Variants in L3MBTL1 observed in about 807,000 individuals in gnomAD.
L3MBTL1 encodes the protein L3MBTL histone methyl-lysine binding protein 1.
A neutral mutation model predicts 105.3 loss-of-function variants in L3MBTL1; 75 were observed. The observed-to-expected ratio is 0.71, with a 90% confidence interval of 0.59 to 0.86. L3MBTL1 has a LOEUF of 0.86. Among genes scored for constraint, L3MBTL1 ranks in the 40% least tolerant of loss-of-function variants. L3MBTL1 has a pLI of 0.00. For missense variants in L3MBTL1, 1,069 were observed against 1,126.4 expected (o/e 0.95, Z 0.73); for synonymous variants, 452 against 436.2 (o/e 1.04, Z -0.45).
chr20:43,514,795 A>G lies in L3MBTL1; in HGVS notation c.502+19A>G. 2 of 1,536,148 alleles carry G rather than the reference A, an allele frequency of 1.3e-6. No individual in the cohort carries two copies. The highest frequency in any genetic ancestry group is 1.8e-6 in the Non-Finnish European group (2 of 1,138,976). On this transcript the variant is annotated intron_variant, in intron 4 of 21. Coordinates refer to ENST00000418998, the MANE Select transcript of L3MBTL1 (RefSeq NM_001377303.1). ...CAGGCGGGTAGGAGCCCCGCTCCCCAGGCCCTGAGCTGGGCCCTGTGCGGG... is the reference window on the plus strand; with the variant it reads ...CAGGCGGGTAGGAGCCCCGCTCCCCGGGCCCTGAGCTGGGCCCTGTGCGGG...
rs143399408 is a variant in L3MBTL1 at position 43,540,318 on chromosome 20, G to A, written c.2331+10G>A. The A allele has an allele frequency of 4.0e-4, 644 of 1,611,930 alleles. 3 individuals are homozygous for A. Among genetic ancestry groups the A allele is most frequent in the African/African-American group, 3.1e-3 (230 of 74,982 alleles). On this transcript the variant is annotated intron_variant, in intron 20 of 21. Transcript: ENST00000418998. ...GTGGACCATCGATGAGGTGAGGAGC[G>A]AGGGCCCTTCTTTATCCTTCTCTTC... is the stretch of plus-strand genomic sequence containing the variant.
rs369771334 is a variant in L3MBTL1, at chr20:43,514,695, G to A, written c.421G>A (p.Glu141Lys). 28 of 1,586,108 alleles carry A rather than the reference G, an allele frequency of 1.8e-5. No individual in the cohort carries two copies. Among genetic ancestry groups the A allele is most frequent in the Middle Eastern group, 1.7e-4 (1 of 6,040 alleles). The change falls in exon 4 of 22, where the codon GAG (glutamate) becomes AAG (lysine). Residue 141 changes from glutamate (E) to lysine (K), a missense_variant. By Grantham distance (56) the Glu-to-Lys change is moderately conservative. Coordinates refer to ENST00000418998, the MANE Select transcript of L3MBTL1 (RefSeq NM_001377303.1). ...MAGVEQPPSP[E>K]LRQEGVTEYE... Reference sequence around the variant, plus strand: ...GGGAGTGGAGCAGCCCCCGAGCCCCGAGCTGCGGCAGGAAGGCGTGACCGA... The same window carrying A: ...GGGAGTGGAGCAGCCCCCGAGCCCCAAGCTGCGGCAGGAAGGCGTGACCGA...
chr20:43,528,556 A>T, intron 7 of L3MBTL1, 101 bp from the exon 8 acceptor site: 2 of 830,184 alleles, frequency 2.4e-6, no homozygotes, highest in South Asian at 2.9e-5. Flanking sequence ...ACAGACAAAG[A>T]TTTGTTTTGG....
At chr20:43,530,608 G>T in intron 10 of L3MBTL1, 189 bp downstream of exon 10, 1 of 775,120 alleles carries the variant, frequency 1.3e-6, no homozygotes. Flanking sequence ...TAGAACTTCC[G>T]CTTTGCACTT....
chr20:43,515,237 G>C, intron 5 of L3MBTL1, 55 bp from the exon 6 acceptor site: 3 of 1,612,790 alleles, frequency 1.9e-6, no homozygotes, highest in Non-Finnish European at 2.5e-6. Context: ...GGTTAGGAGA[G>C]GGGCTGGGTG....
intron 15 of L3MBTL1, 160 bp downstream of exon 15, chr20:43,534,554 CA>C (rs760128761): frequency 3.8e-5 from 25 of 651,080 alleles, no homozygotes; most frequent in Non-Finnish European, 5.9e-5. Flanking sequence ...TGGGCTTGGA[CA>C]AGTCATTTTC....
Position 43,530,728 on chromosome 20 carries a change from C to T in L3MBTL1, c.1193-70C>T, listed in dbSNP as rs994535223. On this transcript the variant is annotated intron_variant, in intron 10 of 21. Coordinates refer to ENST00000418998, the MANE Select transcript of L3MBTL1 (RefSeq NM_001377303.1). Reference sequence around the variant, plus strand: ...TCAGGCATGCCTGATTCTGCTGCTTCACTGTGGGGTGCCCTTGCTGTGGCC... The same window carrying T: ...TCAGGCATGCCTGATTCTGCTGCTTTACTGTGGGGTGCCCTTGCTGTGGCC... 9.2e-6 allele frequency: 13 copies of T among 1,408,640 alleles called. No homozygotes were observed. In the African/African-American group the frequency reaches 1.3e-4, roughly 14 times the overall value. The allele number at this position is 1,408,640 out of a possible 1,614,324, so 87.3% of individuals were successfully genotyped here. A position where few individuals can be genotyped will look rare whatever the true frequency, so the allele number is the denominator to read the frequency against.
Position 43,530,783 on chromosome 20 carries a change from C to A in L3MBTL1, c.1193-15C>A, listed in dbSNP as rs770152093. The A allele has an allele frequency of 2.5e-6, 4 of 1,613,062 alleles. No individual in the cohort carries two copies. Among genetic ancestry groups the A allele is most frequent in the Non-Finnish European group, 3.4e-6 (4 of 1,179,356 alleles). On this transcript the variant is annotated splice_polypyrimidine_tract_variant and intron_variant, in intron 10 of 21. Coordinates refer to ENST00000418998, the MANE Select transcript of L3MBTL1 (RefSeq NM_001377303.1). ...CTCTGCACGGCGCTCTGTTCATGCC[C>A]CTCGAGGGGCCTAGGTTACAAGGAG...
intron 4 of L3MBTL1, 115 bp downstream of exon 4, chr20:43,514,891 A>G (rs965041690): frequency 8.9e-6 from 13 of 1,463,144 alleles, no homozygotes; most frequent in Non-Finnish European, 1.2e-5. Context: ...AGAAGGCTGG[A>G]GGAGGCCATC....
At chr20:43,528,567 G>C in intron 7 of L3MBTL1, 90 bp from the exon 8 acceptor site, 1 of 897,538 alleles carries the variant, frequency 1.1e-6, no homozygotes, top group Non-Finnish European at 1.8e-6. Flanking sequence ...TTTGTTTTGG[G>C]GGTGAAGGTA....
chr20:43,518,154 T>C (rs985623476), intron 7 of L3MBTL1, among the ~76,000 whole-genome samples: 6 of 119,942 alleles, frequency 5.0e-5, no homozygotes, highest in African/African-American at 8.1e-5. Context: ...CCCCAACGCC[T>C]TTTTTTTTTT....
rs1256963980 is a variant in L3MBTL1, at chr20:43,529,147, T to G, written c.952-117T>G. The stretch of plus-strand genomic sequence containing the variant: ...CTGTAGTAACGATCCCCAAATAAGT[T>G]GCCCCTTTGGAAATACCAGGCGGGT... On this transcript the variant is annotated intron_variant, in intron 8 of 21. Coordinates refer to ENST00000418998, the MANE Select transcript of L3MBTL1 (RefSeq NM_001377303.1). The G allele has an allele frequency of 8.7e-6, 6 of 690,494 alleles. No homozygotes were observed. In the East Asian group the frequency reaches 1.6e-4, roughly 19 times the overall value. The allele number at this position is 690,494 out of a possible 1,614,324, so 42.8% of individuals were successfully genotyped here.
Position 43,514,646 on chromosome 20 carries a change from C to A in L3MBTL1, c.372C>A (p.Ser124Arg). 1 of 1,597,744 alleles carries A rather than the reference C, an allele frequency of 6.3e-7. No homozygotes were observed. The highest frequency in any genetic ancestry group is 8.5e-7 in the Non-Finnish European group (1 of 1,172,292). Residue 124 changes from serine to arginine, a missense_variant, in exon 4 of 22, where the codon AGC (serine) becomes AGA (arginine). By Grantham distance (110) the Ser-to-Arg change is moderately radical (BLOSUM62 -1). Transcript: ENST00000418998. The stretch of plus-strand genomic sequence containing the variant: ...CTCCCGCGCTCCAGTTCCGGATAAG[C>A]GAGTATAAGCCGCTGAACATGGCGG... ...PPGGGLRFRI[S>R]EYKPLNMAGV...
Position 43,514,783 on chromosome 20 carries a change from G to A in L3MBTL1, c.502+7G>A, listed in dbSNP as rs1290373847. The A allele has an allele frequency of 1.3e-6, 2 of 1,543,332 alleles. No homozygotes were observed. Among genetic ancestry groups the A allele is most frequent in the South Asian group, 2.4e-5 (2 of 83,392 alleles). On this transcript the variant is annotated splice_region_variant and intron_variant, in intron 4 of 21. Coordinates refer to ENST00000418998, the MANE Select transcript of L3MBTL1 (RefSeq NM_001377303.1). The stretch of plus-strand genomic sequence containing the variant: ...GCGGGCCCCCAACAGGCGGGTAGGA[G>A]CCCCGCTCCCCAGGCCCTGAGCTGG...
At chr20:43,540,426 C>A in intron 20 of L3MBTL1, 118 bp downstream of exon 20, 1 of 1,163,216 alleles carries the variant, frequency 8.6e-7, no homozygotes, top group Non-Finnish European at 1.2e-6. Context: ...CTACCTCTTG[C>A]TCATCTGTCC....
chr20:43,530,927 G>T lies in L3MBTL1; in HGVS notation c.1284+38G>T, dbSNP rs375900355. On this transcript the variant is annotated intron_variant, in intron 11 of 21. Transcript: ENST00000418998. ...GAGTGAGAGTGGATGTCACTCCCAT[G>T]TGCCAGAGTTCACTGCAGCTGGCCC... is the stretch of plus-strand genomic sequence containing the variant. The T allele has an allele frequency of 2.1e-4, 333 of 1,551,032 alleles. 1 individual carries two copies. The Middle Eastern group carries it at 3.5e-3, about 17-fold the overall frequency.
chr20:43,515,285 T>C lies in L3MBTL1; in HGVS notation c.654-7T>C, dbSNP rs1568918319. ...TGGTTCTTTCCCTAAGGCTGGCCCT[T>C]CCTCAGGTCAGTCATAGTGGAGAAC... is the stretch of plus-strand genomic sequence containing the variant. On this transcript the variant is annotated splice_polypyrimidine_tract_variant and splice_region_variant and intron_variant, in intron 5 of 21. Transcript: ENST00000418998. The C allele has an allele frequency of 6.2e-7, 1 of 1,608,748 alleles. No homozygotes were observed.
chr20:43,533,729 G>T (rs1384781056), intron 13 of L3MBTL1, among the ~76,000 whole-genome samples: 3 of 152,224 alleles, frequency 2.0e-5, no homozygotes, highest in African/African-American at 7.2e-5. Flanking sequence ...CCCAAATACA[G>T]TAGAGATTCA....
chr20:43,541,062 A>G lies in L3MBTL1; in HGVS notation c.2523A>G (p.Ser841=). Residue 841 remains serine (S), a synonymous_variant, in exon 22 of 22, where the codon TCA becomes TCG. Coordinates refer to ENST00000418998, the MANE Select transcript of L3MBTL1 (RefSeq NM_001377303.1). The stretch of plus-strand genomic sequence containing the variant: ...GCATCCTGGAGACAGGAGTCCATTC[A>G]CTCCTCTGCTCTCTACCCACTCATT... ...GKGILETGVH[S]LLCSLPTHLL... 1 of 1,613,746 alleles carries G rather than the reference A, an allele frequency of 6.2e-7. No homozygotes were observed. Among genetic ancestry groups the G allele is most frequent in the Non-Finnish European group, 8.5e-7 (1 of 1,179,974 alleles).
Sources: allele counts gnomAD v4.1 joint callset (sites outside exome capture counted in the v4.1 genomes callset), GRCh38; gene constraint gnomAD v4.1.1; transcripts MANE v1.5; gene names NCBI Gene and HGNC (gene_info 2026-07-23, HGNC 2026-07-21).